The following MAST4 variants were observed in gnomAD, a reference collection of about 807,000 sequenced individuals.
MAST4 encodes the protein microtubule-associated serine/threonine-protein kinase 4.
A neutral mutation model predicts 162.7 loss-of-function variants in MAST4; 89 were observed. The observed-to-expected ratio is 0.55, with a 90% confidence interval of 0.46 to 0.65. MAST4 has a LOEUF of 0.65. Among genes scored for constraint, MAST4 ranks in the 30% least tolerant of loss-of-function variants. MAST4 has a pLI of 0.00. For synonymous variants in MAST4, 1,479 were observed against 1,361.1 expected (o/e 1.09, Z -1.91); for missense variants, 3,153 against 3,374.0 (o/e 0.93, Z 1.62).
intron 4 of MAST4, among the ~76,000 whole-genome samples, chr5:67,021,987 C>T (rs1206170113): frequency 6.6e-6 from 1 of 152,080 alleles, no homozygotes; most frequent in African/African-American, 2.4e-5. Flanking sequence ...TCCCCTACTC[C>T]CTGCTTATTT....
At chr5:67,055,940 G>T (rs1487598628) in intron 5 of MAST4, among the ~76,000 whole-genome samples, 1 of 151,158 alleles carries the variant, frequency 6.6e-6, no homozygotes, top group Non-Finnish European at 1.5e-5. Flanking sequence ...AGTCACAAAA[G>T]AATATTATGT....
chr5:66,677,252 C>A (rs1748007552), intron 1 of MAST4, among the ~76,000 whole-genome samples: 1 of 152,156 alleles, frequency 6.6e-6, no homozygotes, highest in Non-Finnish European at 1.5e-5. Context: ...TAGCTTGCAG[C>A]ACGATTAGAA....
chr5:66,617,340 C>G (rs999599062), intron 1 of MAST4, among the ~76,000 whole-genome samples: 6 of 152,092 alleles, frequency 3.9e-5, no homozygotes, highest in Non-Finnish European at 8.8e-5. Context: ...CTCAATCTTG[C>G]CAGTAAGGTG....
intron 1 of MAST4, among the ~76,000 whole-genome samples, chr5:66,618,977 A>G (rs553957150): frequency 8.5e-5 from 13 of 152,296 alleles, no homozygotes; most frequent in African/African-American, 3.1e-4. Flanking sequence ...TTATAAATAT[A>G]GCATTCTTTT....
intron 4 of MAST4, among the ~76,000 whole-genome samples, chr5:67,011,662 C>T (rs1163443645): frequency 6.6e-6 from 1 of 152,202 alleles, no homozygotes; most frequent in Non-Finnish European, 1.5e-5. Flanking sequence ...CTGTTGAGAG[C>T]CTGGCTGTCC....
intron 5 of MAST4, among the ~76,000 whole-genome samples, 175 bp downstream of exon 5, chr5:67,054,667 C>T (rs6860321): frequency 0.012 from 1,878 of 152,256 alleles, 41 homozygotes; most frequent in African/African-American, 0.041. Flanking sequence ...CTCTCTGTTT[C>T]AGTGTTTGGA....
At chr5:67,022,472 C>A (rs772265593) in intron 4 of MAST4, among the ~76,000 whole-genome samples, 6 of 151,654 alleles carry the variant, frequency 4.0e-5, no homozygotes, top group Non-Finnish European at 5.9e-5. Context: ...ATGAACATTG[C>A]ATATACTTTA....
At chr5:66,792,993 C>T (rs79013349) in intron 3 of MAST4, among the ~76,000 whole-genome samples, 1 of 152,126 alleles carries the variant, frequency 6.6e-6, no homozygotes, top group African/African-American at 2.4e-5. Flanking sequence ...AAGTATAGGC[C>T]CTCAACGTGA....
intron 3 of MAST4, among the ~76,000 whole-genome samples, chr5:66,845,126 T>TATATATATATACACACACACAC (rs1358855625): frequency 3.0e-5 from 2 of 67,178 alleles, no homozygotes; most frequent in African/African-American, 1.1e-4. Context: ...TATATATATA[T>TATATATATATACACACACACAC]ACACACACAC....
Position 66,714,765 on chromosome 5 carries a change from T to C in MAST4, c.364-44944T>C, listed in dbSNP as rs544638673. ...AATTGTTGCTTTGCCGCACACTGAG[T>C]GGGAGCCCCTGCTCACTTCCGGTCA... is the stretch of plus-strand genomic sequence containing the variant. On this transcript the variant is annotated intron_variant, in intron 1 of 28. Transcript: ENST00000403625. Among the ~76,000 whole-genome samples, 66 of 152,328 alleles carry C rather than the reference T, an allele frequency of 4.3e-4. 1 individual carries two copies. Among genetic ancestry groups the C allele is most frequent in the African/African-American group, 1.5e-3 (62 of 41,580 alleles).
chr5:66,624,146 G>GTTTTTTTTTTTTTTTTTT (rs200030700), intron 1 of MAST4, among the ~76,000 whole-genome samples: 3 of 90,126 alleles, frequency 3.3e-5, no homozygotes, highest in Non-Finnish European at 6.0e-5. Context: ...TTGTTAAAAT[G>GTTTTTTTTTTTTTTTTTT]TTTTTTTTTT....
intron 3 of MAST4, among the ~76,000 whole-genome samples, chr5:66,823,920 TA>T (rs2149738930): frequency 6.6e-6 from 1 of 152,366 alleles, no homozygotes; most frequent in East Asian, 1.9e-4. Flanking sequence ...GATATGATTA[TA>T]ATCACAATAA....
At chr5:67,007,467 A>G (rs901136506) in intron 4 of MAST4, among the ~76,000 whole-genome samples, 1 of 152,216 alleles carries the variant, frequency 6.6e-6, no homozygotes, top group Non-Finnish European at 1.5e-5. Flanking sequence ...TCTCCTGCAC[A>G]CTTGCTGACT....
chr5:66,690,823 G>A (rs968504277), intron 1 of MAST4, among the ~76,000 whole-genome samples: 9 of 152,160 alleles, frequency 5.9e-5, no homozygotes, highest in African/African-American at 2.2e-4. Flanking sequence ...GGAACATGAA[G>A]GTGTTCACTG....
At chr5:67,072,176 A>G (rs561168047) in intron 5 of MAST4, among the ~76,000 whole-genome samples, 43 of 152,350 alleles carry the variant, frequency 2.8e-4, no homozygotes, top group Non-Finnish European at 5.6e-4. Context: ...AAAATTACCA[A>G]CTTTACTTTG....
intron 4 of MAST4, among the ~76,000 whole-genome samples, chr5:66,906,149 T>C (rs1408333064): frequency 1.3e-5 from 2 of 152,348 alleles, no homozygotes; most frequent in Middle Eastern, 3.4e-3. Context: ...TGGTCTCTTA[T>C]GCTACAAAGA....
At chr5:66,704,624 C>T (rs945518061) in intron 1 of MAST4, among the ~76,000 whole-genome samples, 1 of 151,830 alleles carries the variant, frequency 6.6e-6, no homozygotes, top group Non-Finnish European at 1.5e-5. Flanking sequence ...CCTCAGCCTC[C>T]TGAGCAGCTG....
At chr5:66,687,218 C>A (rs2149491304) in intron 1 of MAST4, among the ~76,000 whole-genome samples, 1 of 152,182 alleles carries the variant, frequency 6.6e-6, no homozygotes, top group Non-Finnish European at 1.5e-5. Context: ...AGTTTTTAAA[C>A]CTTCACCCCC....
At chr5:66,740,614 A>C (rs938561742) in intron 1 of MAST4, among the ~76,000 whole-genome samples, 2 of 152,122 alleles carry the variant, frequency 1.3e-5, no homozygotes, top group Admixed American at 1.3e-4. Context: ...AGGTGATCTT[A>C]GGAGGCTTAC....
Sources: allele counts gnomAD v4.1 joint callset (sites outside exome capture counted in the v4.1 genomes callset), GRCh38; gene constraint gnomAD v4.1.1; transcripts MANE v1.5; gene names NCBI Gene and HGNC (gene_info 2026-07-23, HGNC 2026-07-21).